Variants in ZNF8 observed in about 807,000 individuals in gnomAD.
The protein encoded by ZNF8 is zinc finger protein 272.
A neutral mutation model predicts 12.2 loss-of-function variants in ZNF8; 9 were observed. The observed-to-expected ratio is 0.73, with a 90% CI of 0.44 to 1.28. ZNF8 has a LOEUF of 1.28. ZNF8 is among the 50% of genes most tolerant of loss of function. The probability of loss-of-function intolerance (pLI) is 0.00; values close to 1 mark genes in which losing one functional copy is unlikely to be tolerated. For missense variants in ZNF8, 664 were observed against 729.1 expected (o/e 0.91, Z 1.03); for synonymous variants, 274 against 282.3 (o/e 0.97, Z 0.30).
In ZNF8 at chr19:58,294,808, A is replaced by G. The variant is rs2051443004; in HGVS notation, c.1000A>G (p.Ile334Val). ...TACACACCTTACCGTCCATCGGAGGATTCACACTGGGGAGAAGCCCTATGA... is the reference window on the plus strand; with the variant it reads ...TACACACCTTACCGTCCATCGGAGGGTTCACACTGGGGAGAAGCCCTATGA... Reference protein sequence around the residue: ...HSTHLTVHRRIHTGEKPYECQ... With the variant: ...HSTHLTVHRRVHTGEKPYECQ... Residue 334 changes from isoleucine (I) to valine (V), a missense_variant, in exon 4 of 4, where the codon ATT (isoleucine) becomes GTT (valine). By Grantham distance (29) the Ile-to-Val change is conservative. Coordinates refer to ENST00000621650, the MANE Select transcript of ZNF8 (RefSeq NM_021089.3). This position sits in a 1 kb window ranked among gnomAD's most constrained non-coding sequence, Gnocchi z 5.5. The G allele has an allele frequency of 6.2e-7, 1 of 1,614,190 alleles. No homozygotes were observed. The highest frequency in any genetic ancestry group is 8.5e-7 in the Non-Finnish European group (1 of 1,180,040).
chr19:58,279,251 A>C, intron 1 of ZNF8, 104 bp downstream of exon 1: 1 of 1,531,422 alleles, frequency 6.5e-7, no homozygotes, highest in Non-Finnish European at 8.8e-7. Flanking sequence ...ACCGCTGTTA[A>C]TGCCCTTGAC....
At chr19:58,290,348 T>G (rs1040989749) in intron 3 of ZNF8, among the ~76,000 whole-genome samples, 11 of 151,136 alleles carry the variant, frequency 7.3e-5, no homozygotes, top group Non-Finnish European at 1.2e-4. Flanking sequence ...TCTCCTGACC[T>G]CGTGATCCGC....
intron 1 of ZNF8, among the ~76,000 whole-genome samples, chr19:58,284,027 A>AG (rs1343448605): frequency 6.6e-6 from 1 of 152,172 alleles, no homozygotes; most frequent in Non-Finnish European, 1.5e-5. Context: ...GTTCGACACC[A>AG]GCCTGGCCAA....
intron 1 of ZNF8, chr19:58,280,505 T>G (rs1251202335): frequency 6.5e-6 from 1 of 152,706 alleles, no homozygotes; most frequent in Non-Finnish European, 1.5e-5. Flanking sequence ...TGTTGAGTGT[T>G]GGAGGGGACC....
At chr19:58,287,865 C>CTT (rs35762006) in intron 3 of ZNF8, among the ~76,000 whole-genome samples, 65,354 of 115,632 alleles carry the variant, frequency 0.57, 19,244 homozygotes, top group Middle Eastern at 0.64. Flanking sequence ...TTCTTTCTTC[C>CTT]TTTTTTTTTT....
At chr19:58,289,843 C>G (rs542545957) in intron 3 of ZNF8, among the ~76,000 whole-genome samples, 1 of 151,312 alleles carries the variant, frequency 6.6e-6, no homozygotes, top group Non-Finnish European at 1.5e-5. Flanking sequence ...TGTCACAAGG[C>G]TGGAGTGCAG....
intron 1 of ZNF8, among the ~76,000 whole-genome samples, chr19:58,282,847 C>T (rs1435079152): frequency 1.3e-5 from 2 of 151,718 alleles, no homozygotes; most frequent in South Asian, 2.1e-4. Context: ...AGGCTAGTCA[C>T]GAACTCCTGA....
rs746081047 is a variant in ZNF8, at chr19:58,294,617, C to T, written c.809C>T (p.Ala270Val). Reference protein sequence around the residue: ...TDCGKSFNHNAHLTVHKRIHT... With the variant: ...TDCGKSFNHNVHLTVHKRIHT... ...TGTGGGAAGTCGTTTAACCATAACG[C>T]ACACCTCACCGTGCACAAGAGGATT... Residue 270 changes from alanine to valine, a missense_variant, in exon 4 of 4, where the codon GCA becomes GTA. Physicochemically the swap from Ala to Val is moderately conservative, Grantham distance 64. Around this residue, in one of 3 missense-constraint regions of ZNF8, gnomAD observed 133 missense variants for 198.4 expected, o/e 0.67. Transcript: ENST00000621650. This position sits in a 1 kb window ranked among gnomAD's most constrained non-coding sequence, Gnocchi z 5.5. 1 of 1,614,154 alleles carries T rather than the reference C, an allele frequency of 6.2e-7. No individual in the cohort carries two copies. Among genetic ancestry groups the T allele is most frequent in the South Asian group, 1.1e-5 (1 of 91,074 alleles).
chr19:58,295,309 C>T lies in ZNF8; in HGVS notation c.1501C>T (p.Arg501Trp), dbSNP rs199797045. 4.0e-5 allele frequency: 64 copies of T among 1,614,086 alleles called. 1 individual carries two copies. Among genetic ancestry groups the T allele is most frequent in the South Asian group, 9.9e-5 (9 of 91,092 alleles). ...REEQPHGRSRRREQSSSRNSH... is the reference protein window; with the variant it reads ...REEQPHGRSRWREQSSSRNSH... The stretch of plus-strand genomic sequence containing the variant: ...GGAGCAGCCCCATGGGCGAAGCCGG[C>T]GGCGTGAACAATCCTCGAGCAGGAA... The change falls in exon 4 of 4, where the codon CGG (arginine) becomes TGG (tryptophan). Residue 501 changes from arginine to tryptophan, a missense_variant. Transcript: ENST00000621650.
intron 1 of ZNF8, among the ~76,000 whole-genome samples, chr19:58,281,913 G>C (rs567844160): frequency 7.0e-4 from 106 of 152,280 alleles, no homozygotes; most frequent in African/African-American, 2.3e-3. Context: ...AGGAGTTCAA[G>C]ACCAGCCTGG....
At chr19:58,279,504 A>G (rs990388684) in intron 1 of ZNF8, 5 of 1,486,424 alleles carry the variant, frequency 3.4e-6, no homozygotes, top group African/African-American at 1.4e-5. Flanking sequence ...GACTGATAAC[A>G]GTAATTGTAG....
intron 1 of ZNF8, 100 bp downstream of exon 1, chr19:58,279,247 G>C: frequency 1.3e-6 from 2 of 1,532,804 alleles, no homozygotes; most frequent in South Asian, 1.2e-5. Context: ...CGGCACCGCT[G>C]TTAATGCCCT....
chr19:58,289,505 A>G (rs1237219456), intron 3 of ZNF8, among the ~76,000 whole-genome samples: 1 of 151,796 alleles, frequency 6.6e-6, no homozygotes, highest in Non-Finnish European at 1.5e-5. Context: ...CAAAGAAAAA[A>G]AAAAAAAAAA....
rs1272840764 is a variant in ZNF8, at chr19:58,300,252, A to G, written c.*4716A>G. ...ACCCAGCTGACCATGGCTTAAACAG[A>G]TGAGGCTTTGTTCAAAGGCTGTCTT... On this transcript the variant is annotated 3_prime_UTR_variant, in exon 4 of 4. Coordinates refer to ENST00000621650, the MANE Select transcript of ZNF8 (RefSeq NM_021089.3). 5 of 152,226 alleles carry G rather than the reference A, an allele frequency of 3.3e-5. No individual in the cohort carries two copies. The highest frequency in any genetic ancestry group is 1.2e-4 in the African/African-American group (5 of 41,450). 9.4% of individuals were successfully genotyped at this position (152,226 alleles called of 1,614,324 possible). A position where few individuals can be genotyped will look rare whatever the true frequency, so the allele number is the denominator to read the frequency against.
At position 58,279,038 on chromosome 19, in the gene ZNF8, T is replaced by C; in HGVS notation, c.-44T>C. On this transcript the variant is annotated 5_prime_UTR_variant, in exon 1 of 4. Transcript: ENST00000621650. The stretch of plus-strand genomic sequence containing the variant: ...CCCTTTGGCTGGAGTGCCTCTCTGG[T>C]CTGGGGATCACCTCAGGCGCTGTCC... The C allele has an allele frequency of 7.2e-7, 1 of 1,390,728 alleles. No homozygotes were observed. Among genetic ancestry groups the C allele is most frequent in the Non-Finnish European group, 9.4e-7 (1 of 1,063,542 alleles). 86.1% of individuals were successfully genotyped at this position (1,390,728 alleles called of 1,614,324 possible). A position where few individuals can be genotyped will look rare whatever the true frequency, so the allele number is the denominator to read the frequency against.
In ZNF8 at chr19:58,295,046, C is replaced by G; in HGVS notation, c.1238C>G (p.Ala413Gly). 1 of 1,614,088 alleles carries G rather than the reference C, an allele frequency of 6.2e-7. No individual in the cohort carries two copies. The highest frequency in any genetic ancestry group is 8.5e-7 in the Non-Finnish European group (1 of 1,179,988). ...GKGFRHSSSL[A>G]QHQRKHAGEK... ...GGCTTCAGGCACAGCTCATCCCTGG[C>G]CCAGCACCAGCGGAAGCACGCGGGG... Residue 413 changes from alanine (A) to glycine (G), a missense_variant, in exon 4 of 4, where the codon GCC (alanine) becomes GGC (glycine). Physicochemically the swap from Ala to Gly is moderately conservative, Grantham distance 60 (BLOSUM62 0). This residue lies in a region of ZNF8 where 225 missense variants were observed against 222.0 expected (regional missense o/e 1.01). Coordinates refer to ENST00000621650, the MANE Select transcript of ZNF8 (RefSeq NM_021089.3).
intron 3 of ZNF8, among the ~76,000 whole-genome samples, chr19:58,291,363 C>A (rs2051418470): frequency 6.6e-6 from 1 of 152,212 alleles, no homozygotes. Context: ...GGAGTTGGAG[C>A]CTGTCTCAAC....
intron 1 of ZNF8, chr19:58,279,640 T>G: frequency 6.5e-7 from 1 of 1,533,886 alleles, no homozygotes; most frequent in Non-Finnish European, 8.7e-7. Flanking sequence ...CACAACCTCT[T>G]GGGGGCAATG....
chr19:58,295,301 G>A lies in ZNF8; in HGVS notation c.1493G>A (p.Arg498Gln), dbSNP rs975249411. The A allele has an allele frequency of 5.6e-6, 9 of 1,614,218 alleles. No homozygotes were observed. The highest frequency in any genetic ancestry group is 2.2e-5 in the East Asian group (1 of 44,886). The stretch of plus-strand genomic sequence containing the variant: ...ACCAGAGAGGAGCAGCCCCATGGGC[G>A]AAGCCGGCGGCGTGAACAATCCTCG... ...THTREEQPHG[R>Q]SRRREQSSSR... The change falls in exon 4 of 4, where the codon CGA becomes CAA. Residue 498 changes from arginine to glutamine, a missense_variant. Around this residue, in one of 3 missense-constraint regions of ZNF8, gnomAD observed 225 missense variants for 222.0 expected, o/e 1.01. Coordinates refer to ENST00000621650, the MANE Select transcript of ZNF8 (RefSeq NM_021089.3).
Sources: gnomAD v4.1 joint callset for allele counts (sites outside exome capture counted in the v4.1 genomes callset) on GRCh38, gnomAD v4.1.1 for gene constraint, gnomAD v4.1.1 regional missense constraint, Gnocchi (gnomAD v3.1) non-coding constraint, MANE v1.5 for transcripts, NCBI Gene and HGNC (gene_info 2026-07-23, HGNC 2026-07-21) for gene names.